The following GABRG3 variants were observed in gnomAD, a reference collection of about 807,000 sequenced individuals.
GABRG3 encodes gamma-aminobutyric acid receptor subunit gamma-3.
A neutral mutation model predicts 48.8 loss-of-function variants in GABRG3; 25 were observed. The ratio of observed to expected loss-of-function variants is 0.51; its 90% CI spans 0.37 to 0.72. The LOEUF (loss-of-function observed/expected upper bound fraction) is 0.72. GABRG3 is among the 30% of genes least tolerant of loss of function. The pLI is 0.00. For synonymous variants in GABRG3, 227 were observed against 217.6 expected (o/e 1.04, Z -0.38); for missense variants, 394 against 577.9 (o/e 0.68, Z 3.26).
intron 3 of GABRG3, among the ~76,000 whole-genome samples, chr15:27,176,196 G>A (rs937813228): frequency 6.6e-6 from 1 of 152,136 alleles, no homozygotes. Context: ...CTAGCCTTCA[G>A]CATTTCCCAT....
At chr15:27,187,775 G>A (rs534379761) in intron 3 of GABRG3, among the ~76,000 whole-genome samples, 3 of 152,036 alleles carry the variant, frequency 2.0e-5, no homozygotes, top group South Asian at 4.2e-4. Context: ...TGTGCACAAT[G>A]TGCAGGTTAG....
intron 5 of GABRG3, among the ~76,000 whole-genome samples, chr15:27,438,700 C>G (rs1186975426): frequency 6.6e-6 from 1 of 152,216 alleles, no homozygotes; most frequent in African/African-American, 2.4e-5. Context: ...ATGCACACTT[C>G]CAGAAGATGA....
At chr15:27,300,252 C>G (rs1364167710) in intron 3 of GABRG3, among the ~76,000 whole-genome samples, 1 of 152,146 alleles carries the variant, frequency 6.6e-6, no homozygotes, top group Non-Finnish European at 1.5e-5. Context: ...TCCAAAATTA[C>G]TTGGCATATG....
At chr15:26,982,334 T>C (rs925878170) in intron 2 of GABRG3, among the ~76,000 whole-genome samples, 3 of 152,156 alleles carry the variant, frequency 2.0e-5, no homozygotes, top group Non-Finnish European at 4.4e-5. Context: ...TATCCTGTGG[T>C]AGGCTACAGT....
At chr15:27,239,052 TAGTAA>T (rs1890060498) in intron 3 of GABRG3, among the ~76,000 whole-genome samples, 1 of 152,182 alleles carries the variant, frequency 6.6e-6, no homozygotes, top group Non-Finnish European at 1.5e-5. Flanking sequence ...ACGCTTGCCA[TAGTAA>T]ACTAGGTGTG....
chr15:27,344,993 G>A (rs1418219483), intron 5 of GABRG3, among the ~76,000 whole-genome samples: 6 of 152,100 alleles, frequency 3.9e-5, no homozygotes, highest in Non-Finnish European at 7.4e-5. Flanking sequence ...TGTCCACTTC[G>A]TCTGAAATTA....
At chr15:27,388,388 AGGAG>A (rs1344822129) in intron 5 of GABRG3, among the ~76,000 whole-genome samples, 5 of 133,312 alleles carry the variant, frequency 3.8e-5, no homozygotes, top group Admixed American at 7.4e-5. Context: ...AAGGAAGGAA[AGGAG>A]GGAGGGAGGG....
At chr15:27,463,590 T>C (rs1889514128) in intron 5 of GABRG3, among the ~76,000 whole-genome samples, 1 of 152,180 alleles carries the variant, frequency 6.6e-6, no homozygotes, top group Non-Finnish European at 1.5e-5. Flanking sequence ...ATTGAAACCA[T>C]GCTGTGTGAC....
chr15:26,980,533 G>C (rs1181786363), intron 2 of GABRG3, among the ~76,000 whole-genome samples: 1 of 151,918 alleles, frequency 6.6e-6, no homozygotes, highest in African/African-American at 2.4e-5. Context: ...AGAAAAATTA[G>C]CCAGGCGTGG....
chr15:27,307,399 G>T (rs1198395349), intron 3 of GABRG3, among the ~76,000 whole-genome samples: 2 of 96,402 alleles, frequency 2.1e-5, no homozygotes, highest in African/African-American at 3.7e-5. Context: ...AACCATATAG[G>T]TTTATATATT....
intron 5 of GABRG3, among the ~76,000 whole-genome samples, chr15:27,392,062 G>C (rs762293203): frequency 6.6e-6 from 1 of 152,144 alleles, no homozygotes; most frequent in Admixed American, 6.5e-5. Context: ...TTTTAGAATA[G>C]TTTCTGGTTT....
intron 5 of GABRG3, among the ~76,000 whole-genome samples, chr15:27,390,438 GA>G (rs1896185493): frequency 6.6e-6 from 1 of 152,156 alleles, no homozygotes; most frequent in Admixed American, 6.5e-5. Context: ...CTGTTTTGAT[GA>G]AATACACAAG....
In GABRG3 at chr15:27,352,621, C is replaced by T. The variant is rs564656834; in HGVS notation, c.574+23733C>T. On this transcript the variant is annotated intron_variant, in intron 5 of 9. Transcript: ENST00000615808. This position sits in a 1 kb window ranked among gnomAD's most constrained non-coding sequence, Gnocchi z 4.0. ...GCGCTCACACCACCCCACACTGCCCCGGGGAGGCAGGCCAAGGAAGCCCCC... is the reference window on the plus strand; with the variant it reads ...GCGCTCACACCACCCCACACTGCCCTGGGGAGGCAGGCCAAGGAAGCCCCC... 8.5e-5 allele frequency among the ~76,000 whole-genome samples: 13 copies of T among 152,156 alleles called. No individual in the cohort carries two copies. The highest frequency in any genetic ancestry group is 1.2e-4 in the African/African-American group (5 of 41,482).
chr15:27,086,417 A>T (rs1014553088), intron 3 of GABRG3, among the ~76,000 whole-genome samples: 9 of 152,180 alleles, frequency 5.9e-5, no homozygotes, highest in African/African-American at 2.2e-4. Context: ...TAGACTGGGA[A>T]GTCCAACTTT....
At chr15:27,328,974 G>T in intron 5 of GABRG3, 86 bp downstream of exon 5, 1 of 1,092,592 alleles carries the variant, frequency 9.2e-7, no homozygotes, top group Non-Finnish European at 1.4e-6. Context: ...TCATGTGATT[G>T]ATCACAGTGT....
chr15:27,228,055 AATAATAC>A (rs1461705793), intron 3 of GABRG3, among the ~76,000 whole-genome samples: 3 of 152,230 alleles, frequency 2.0e-5, no homozygotes, highest in Non-Finnish European at 4.4e-5. Context: ...GCACCAATGA[AATAATAC>A]ATAATTTTGT....
At chr15:27,020,534 C>CCTGAGTAGCTGGGACTA (rs1895871132) in intron 2 of GABRG3, among the ~76,000 whole-genome samples, 4 of 152,128 alleles carry the variant, frequency 2.6e-5, no homozygotes, top group Admixed American at 2.6e-4. Context: ...GCCTCAGCCT[C>CCTGAGTAGCTGGGACTA]CTGAGTAGCT....
At position 27,314,123 on chromosome 15, in the gene GABRG3, G is replaced by A. The variant is rs75353342; in HGVS notation, c.271-12686G>A. 8.2e-3 allele frequency among the ~76,000 whole-genome samples: 1,250 copies of A among 151,926 alleles called. 17 individuals carry two copies. Among genetic ancestry groups the A allele is most frequent in the African/African-American group, 0.029 (1,207 of 41,450 alleles). On this transcript the variant is annotated intron_variant, in intron 3 of 9. Transcript: ENST00000615808. ...TAATGAAAATCAGAAATAAATAAAC[G>A]GGATTACATCAAACCAATAAGCTTT...
At chr15:27,108,897 T>C (rs920670474) in intron 3 of GABRG3, among the ~76,000 whole-genome samples, 7 of 152,166 alleles carry the variant, frequency 4.6e-5, no homozygotes, top group Non-Finnish European at 1.0e-4. Context: ...ATTCCAACTT[T>C]CCTTTGATTA....
Sources: allele counts gnomAD v4.1 joint callset (sites outside exome capture counted in the v4.1 genomes callset), GRCh38; gene constraint gnomAD v4.1.1; non-coding constraint Gnocchi (gnomAD v3.1); transcripts MANE v1.5; gene names NCBI Gene and HGNC (gene_info 2026-07-23, HGNC 2026-07-21).